The following FRA10AC1 variants were observed in gnomAD, a reference collection of about 807,000 sequenced individuals.
FRA10AC1 encodes the protein protein FRA10AC1.
FRA10AC1 carries 43 observed loss-of-function variants against 56.5 expected under a neutral mutation model. The ratio of observed to expected loss-of-function variants is 0.76; its 90% CI spans 0.60 to 0.98. The LOEUF is 0.98. Among genes scored for constraint, FRA10AC1 ranks in the 50% least tolerant of loss-of-function variants. FRA10AC1 has a pLI of 0.00. For synonymous variants in FRA10AC1, 112 were observed against 110.5 expected (o/e 1.01, Z -0.09); for missense variants, 346 against 351.8 (o/e 0.98, Z 0.13).
chr10:93,685,523 C>T (rs1023447393), intron 8 of FRA10AC1, 164 bp from the exon 9 acceptor site: 28 of 438,160 alleles, frequency 6.4e-5, no homozygotes, highest in Admixed American at 1.5e-4. Context: ...ATACAAGTAT[C>T]AAATCAAAGT....
At chr10:93,680,901 G>GT (rs1163257814) in intron 11 of FRA10AC1, among the ~76,000 whole-genome samples, 1 of 152,306 alleles carries the variant, frequency 6.6e-6, no homozygotes, top group East Asian at 1.9e-4. Context: ...AAAGCAGGCA[G>GT]TTCTAAGTAT....
intron 5 of FRA10AC1, among the ~76,000 whole-genome samples, chr10:93,693,600 TA>T (rs1430728419): frequency 2.3e-4 from 33 of 143,888 alleles, no homozygotes; most frequent in Admixed American, 1.4e-4. Context: ...ATACACACCA[TA>T]TATATACACA....
chr10:93,671,009 C>T (rs2058752435), intron 12 of FRA10AC1, 161 bp from the exon 13 acceptor site: 1 of 559,240 alleles, frequency 1.8e-6, no homozygotes, highest in African/African-American at 1.9e-5. Context: ...TCTTTTAAAA[C>T]ATATATAAAT....
chr10:93,681,452 T>C, intron 11 of FRA10AC1, 28 bp downstream of exon 11: 2 of 1,343,614 alleles, frequency 1.5e-6, no homozygotes, highest in Non-Finnish European at 2.1e-6. Context: ...CAAATGTGAG[T>C]AGATGCCTTA....
intron 5 of FRA10AC1, among the ~76,000 whole-genome samples, chr10:93,694,645 C>G (rs964425241): frequency 6.9e-6 from 1 of 145,934 alleles, no homozygotes; most frequent in Non-Finnish European, 1.5e-5. Context: ...ACCACAGCGG[C>G]ACAGGTTGCA....
chr10:93,700,065 A>G lies in FRA10AC1; in HGVS notation c.42T>C (p.Asp14=). ...TTTTGCTGGATTCTCCACAGCGTTC[A>G]TCATCACTAAAATCAGAATCATAGC... ...HGGYDSDFSD[D]ERCGESSKRK... is the part of the protein sequence containing the mutation. The change falls in exon 2 of 14, where the codon GAT becomes GAC. Residue 14 remains aspartate (D), a synonymous_variant. Coordinates refer to ENST00000359204, the MANE Select transcript of FRA10AC1 (RefSeq NM_145246.5). 8 of 1,603,418 alleles carry G rather than the reference A, an allele frequency of 5.0e-6. No homozygotes were observed. The highest frequency in any genetic ancestry group is 6.8e-6 in the Non-Finnish European group (8 of 1,172,064).
intron 10 of FRA10AC1, among the ~76,000 whole-genome samples, chr10:93,682,448 C>T (rs2058951722): frequency 1.3e-5 from 2 of 152,178 alleles, no homozygotes; most frequent in Non-Finnish European, 2.9e-5. Context: ...CAAATCCCTG[C>T]TTTCTTTCAG....
At position 93,699,962 on chromosome 10, in the gene FRA10AC1, G is replaced by A. The variant is rs895997148; in HGVS notation, c.77+68C>T. On this transcript the variant is annotated intron_variant, in intron 2 of 13. Coordinates refer to ENST00000359204, the MANE Select transcript of FRA10AC1 (RefSeq NM_145246.5). ...AACAGAATTCAAAAATTTCACTCTT[G>A]TTTATTTATACTTCATATTAATCTA... The A allele has an allele frequency of 1.2e-5, 10 of 863,204 alleles. No individual in the cohort carries two copies. The African/African-American group carries it at 1.7e-4, about 15-fold the overall frequency. 53.5% of individuals were successfully genotyped at this position (863,204 alleles called of 1,614,324 possible). A position where few individuals can be genotyped will look rare whatever the true frequency, so the allele number is the denominator to read the frequency against.
chr10:93,676,643 TGTTACTTACTAA>T lies in FRA10AC1; in HGVS notation c.824_826+9del. The T allele has an allele frequency of 6.4e-7, 1 of 1,555,652 alleles. No homozygotes were observed. The highest frequency in any genetic ancestry group is 2.4e-5 in the East Asian group (1 of 42,258). ...TGCATATTTTTATTAAATAAACACT[TGTTACTTACTAA>T]GTAGAGAATCTTCAGATTTCTTTGA... On this transcript the variant is annotated splice_donor_variant and splice_donor_5th_base_variant and coding_sequence_variant and intron_variant, in exon 12 of 14. Coordinates refer to ENST00000359204, the MANE Select transcript of FRA10AC1 (RefSeq NM_145246.5). LOFTEE classifies it high-confidence loss of function.
chr10:93,685,413 T>C, intron 8 of FRA10AC1, 54 bp from the exon 9 acceptor site: 1 of 793,862 alleles, frequency 1.3e-6, no homozygotes, highest in South Asian at 1.5e-5. Flanking sequence ...TATTTATCTA[T>C]ATGATCTAGT....
rs111742925 is a variant in FRA10AC1 at position 93,685,393 on chromosome 10, T to C, written c.512-34A>G. On this transcript the variant is annotated intron_variant, in intron 8 of 13. Coordinates refer to ENST00000359204, the MANE Select transcript of FRA10AC1 (RefSeq NM_145246.5). ...AGGAAAGGAATATTAGCTATGGTAG[T>C]TGGTGATAATATTTATCTATATGAT... 531 of 934,140 alleles carry C rather than the reference T, an allele frequency of 5.7e-4. 4 individuals are homozygous for C. The highest frequency in any genetic ancestry group is 4.5e-3 in the African/African-American group (271 of 60,266). 57.9% of individuals were successfully genotyped at this position (934,140 alleles called of 1,614,324 possible). A position where few individuals can be genotyped will look rare whatever the true frequency, so the allele number is the denominator to read the frequency against.
intron 7 of FRA10AC1, among the ~76,000 whole-genome samples, chr10:93,688,330 C>T (rs1438651929): frequency 1.3e-5 from 2 of 152,090 alleles, no homozygotes; most frequent in African/African-American, 2.4e-5. Context: ...GTAGCAAGAT[C>T]AGTAGTTGCC....
chr10:93,685,107 G>A (rs1235492581), intron 9 of FRA10AC1, 139 bp downstream of exon 9: 15 of 569,570 alleles, frequency 2.6e-5, no homozygotes, highest in Non-Finnish European at 4.6e-5. Flanking sequence ...AGTTCTTTGA[G>A]ACTTTGGGAA....
Position 93,695,053 on chromosome 10 carries a change from ATTCACACACTATACATGCTTACACAT to A in FRA10AC1, c.220-142_220-117del, listed in dbSNP as rs1044652154. On this transcript the variant is annotated intron_variant, in intron 4 of 13. Coordinates refer to ENST00000359204, the MANE Select transcript of FRA10AC1 (RefSeq NM_145246.5). The stretch of plus-strand genomic sequence containing the variant: ...TGAGTCTATTTAGCTTTTTAAAAAT[ATTCACACACTATACATGCTTACACAT>A]TCAGAAAATCTAGAAGGGTATATAT... The A allele has an allele frequency of 4.2e-5, 27 of 642,252 alleles. No homozygotes were observed. In the African/African-American group the frequency reaches 4.7e-4, roughly 11 times the overall value. The allele number at this position is 642,252 out of a possible 1,614,324, so 39.8% of individuals were successfully genotyped here.
At chr10:93,689,060 GT>G (rs3085158) in intron 7 of FRA10AC1, among the ~76,000 whole-genome samples, 22,469 of 126,730 alleles carry the variant, frequency 0.18, 4,575 homozygotes, top group African/African-American at 0.53. Context: ...TTGTTGTGGG[GT>G]TTTTTTTTTT....
chr10:93,681,639 A>G, intron 10 of FRA10AC1, 41 bp from the exon 11 acceptor site: 1 of 1,425,834 alleles, frequency 7.0e-7, no homozygotes. Context: ...AACTTTTCCA[A>G]CTGACCTTTT....
At chr10:93,701,319 T>C (rs1054363552) in intron 1 of FRA10AC1, among the ~76,000 whole-genome samples, 1 of 152,128 alleles carries the variant, frequency 6.6e-6, no homozygotes, top group South Asian at 2.1e-4. Flanking sequence ...AAAACTAATA[T>C]AACGACAGCA....
intron 12 of FRA10AC1, chr10:93,674,415 A>G (rs983494077): frequency 6.6e-6 from 1 of 152,244 alleles, no homozygotes; most frequent in Non-Finnish European, 1.5e-5. Flanking sequence ...TGCCAAGACC[A>G]TGTAATACAG....
At chr10:93,684,393 T>C (rs2058989001) in intron 9 of FRA10AC1, among the ~76,000 whole-genome samples, 1 of 152,208 alleles carries the variant, frequency 6.6e-6, no homozygotes, top group South Asian at 2.1e-4. Flanking sequence ...GTGTCTCACA[T>C]CAAAGATATC....
Sources: allele counts gnomAD v4.1 joint callset (sites outside exome capture counted in the v4.1 genomes callset), GRCh38; gene constraint gnomAD v4.1.1; transcripts MANE v1.5; gene names NCBI Gene and HGNC (gene_info 2026-07-23, HGNC 2026-07-21).